RYR3: variants seen among roughly 807,000 people sequenced by gnomAD.
RYR3 encodes the protein ryanodine receptor 3.
A neutral mutation model predicts 584.3 loss-of-function variants in RYR3; 207 were observed. The ratio of observed to expected loss-of-function variants is 0.35; its 90% CI spans 0.32 to 0.40. RYR3 has a LOEUF of 0.40. Ranked by LOEUF, RYR3 falls within the 10% of genes least tolerant of loss-of-function variation. The pLI, the probability that RYR3 is intolerant of heterozygous loss-of-function variation, is 1.00. For synonymous variants in RYR3, 2,416 were observed against 2,248.5 expected, an observed-to-expected ratio of 1.07 and a Z score of -2.11; for missense variants, 5,616 against 6,089.2, an observed-to-expected ratio of 0.92 and a Z score of 2.59.
Position 33,838,589 on chromosome 15 carries a change from G to T in RYR3, c.12609G>T (p.Leu4203=), listed in dbSNP as rs774973425. The T allele has an allele frequency of 3.1e-6, 5 of 1,613,926 alleles. No homozygotes were observed. The highest frequency in any genetic ancestry group is 1.7e-5 in the Admixed American group (1 of 60,020). The change falls in exon 89 of 104, where the codon CTG becomes CTT. Residue 4203 remains leucine, a synonymous_variant. Coordinates refer to ENST00000634891, the MANE Select transcript of RYR3 (RefSeq NM_001036.6). ...TATTCCAGTTGCTCTTCACCATCCT[G>T]GGAGGAATCTTTCAGATCCTCTGGA... ...VGLFQLLFTI[L]GGIFQILWST...
intron 16 of RYR3, among the ~76,000 whole-genome samples, chr15:33,592,701 A>G (rs1193889816): frequency 1.3e-5 from 2 of 152,234 alleles, no homozygotes; most frequent in Admixed American, 1.3e-4. Flanking sequence ...ACCCCCTGTC[A>G]GTCAGAAAGT....
At chr15:33,451,248 T>C (rs2047100305) in intron 1 of RYR3, among the ~76,000 whole-genome samples, 1 of 152,186 alleles carries the variant, frequency 6.6e-6, no homozygotes, top group Non-Finnish European at 1.5e-5. Context: ...CCCCAGTAGA[T>C]AGCAGTGACC....
intron 12 of RYR3, among the ~76,000 whole-genome samples, chr15:33,570,617 A>G (rs968724299): frequency 1.3e-5 from 2 of 152,076 alleles, no homozygotes; most frequent in Non-Finnish European, 2.9e-5. Context: ...TTTTTGTCCA[A>G]AAAAAATTCT....
At chr15:33,742,827 G>C (rs1021913100) in intron 52 of RYR3, among the ~76,000 whole-genome samples, 2 of 152,052 alleles carry the variant, frequency 1.3e-5, no homozygotes, top group African/African-American at 4.8e-5. Context: ...GAAATTGAAA[G>C]CCTAACCCTT....
intron 1 of RYR3, among the ~76,000 whole-genome samples, chr15:33,462,996 C>A (rs900169513): frequency 6.6e-6 from 1 of 151,902 alleles, no homozygotes; most frequent in Non-Finnish European, 1.5e-5. Context: ...CATGGCAAAA[C>A]CCCGTCTCTA....
At chr15:33,708,723 T>C (rs765895351) in intron 43 of RYR3, among the ~76,000 whole-genome samples, 2 of 152,220 alleles carry the variant, frequency 1.3e-5, no homozygotes, top group Admixed American at 6.5e-5. Flanking sequence ...AATTTTCTTT[T>C]TAATTCTCAG....
chr15:33,436,195 C>A (rs1380534335), intron 1 of RYR3, among the ~76,000 whole-genome samples: 8 of 151,988 alleles, frequency 5.3e-5, no homozygotes, highest in Non-Finnish European at 8.8e-5. Flanking sequence ...GTATATGAAC[C>A]CTCCTTGTGC....
At chr15:33,338,215 G>A (rs1971384297) in intron 1 of RYR3, among the ~76,000 whole-genome samples, 2 of 152,220 alleles carry the variant, frequency 1.3e-5, no homozygotes, top group Admixed American at 1.3e-4. Context: ...AAAGTGCTGG[G>A]ATTACAGGCG....
At chr15:33,573,636 A>G (rs1472330853) in intron 12 of RYR3, among the ~76,000 whole-genome samples, 2 of 152,242 alleles carry the variant, frequency 1.3e-5, no homozygotes, top group Admixed American at 6.5e-5. Context: ...ATAAATATTC[A>G]GAATCACCTG....
intron 1 of RYR3, among the ~76,000 whole-genome samples, chr15:33,455,845 A>T (rs763052831): frequency 3.9e-5 from 6 of 152,212 alleles, no homozygotes; most frequent in Non-Finnish European, 8.8e-5. Context: ...CACACTAAAC[A>T]TAATGGAGGC....
At chr15:33,719,585 T>C (rs916361129) in intron 43 of RYR3, among the ~76,000 whole-genome samples, 1 of 152,230 alleles carries the variant, frequency 6.6e-6, no homozygotes, top group Non-Finnish European at 1.5e-5. Context: ...ATTCTTGTAG[T>C]GAGAAATTAC....
chr15:33,548,336 G>C lies in RYR3; in HGVS notation c.815+132G>C, dbSNP rs868382446. The C allele has an allele frequency of 8.5e-6, 5 of 590,154 alleles. No homozygotes were observed. In the South Asian group the frequency reaches 9.0e-5, roughly 11 times the overall value. 36.6% of individuals were successfully genotyped at this position (590,154 alleles called of 1,614,324 possible). A position where few individuals can be genotyped will look rare whatever the true frequency, so the allele number is the denominator to read the frequency against. ...AGTCCTTTGTCTAGAGCTAAGTTCT[G>C]ATATTTCTGTGACTTTGTTTTTAAA... On this transcript the variant is annotated intron_variant, in intron 9 of 103. Coordinates refer to ENST00000634891, the MANE Select transcript of RYR3 (RefSeq NM_001036.6).
chr15:33,551,452 A>G (rs967422987), intron 10 of RYR3, among the ~76,000 whole-genome samples: 1 of 152,194 alleles, frequency 6.6e-6, no homozygotes, highest in Admixed American at 6.5e-5. Flanking sequence ...GAAGATAGTC[A>G]GCACTGTCCC....
chr15:33,556,964 ATAG>A (rs748916488), intron 10 of RYR3, among the ~76,000 whole-genome samples: 2 of 152,192 alleles, frequency 1.3e-5, no homozygotes, highest in Non-Finnish European at 2.9e-5. Flanking sequence ...CCATTTTCTA[ATAG>A]TAGTATATGT....
Position 33,663,528 on chromosome 15 carries a change from T to C in RYR3, c.5419-9T>C, listed in dbSNP as rs372099114. 2.9e-5 allele frequency: 46 copies of C among 1,612,294 alleles called. No individual in the cohort carries two copies. The highest frequency in any genetic ancestry group is 6.6e-5 in the South Asian group (6 of 90,590). Reference sequence around the variant, plus strand: ...ACAAAGTGTTATCTATATAATACTTTCATTGCAGATGTGTGAGCTCCTCAG... The same window carrying C: ...ACAAAGTGTTATCTATATAATACTTCCATTGCAGATGTGTGAGCTCCTCAG... On this transcript the variant is annotated splice_polypyrimidine_tract_variant and intron_variant, in intron 35 of 103. Transcript: ENST00000634891.
chr15:33,414,579 C>G (rs938978052), intron 1 of RYR3, among the ~76,000 whole-genome samples: 4 of 152,138 alleles, frequency 2.6e-5, no homozygotes, highest in African/African-American at 9.7e-5. Flanking sequence ...TGTGTCATGT[C>G]TGAGAGGCAC....
chr15:33,352,034 T>TA (rs1354032499), intron 1 of RYR3, among the ~76,000 whole-genome samples: 3 of 152,168 alleles, frequency 2.0e-5, no homozygotes, highest in Non-Finnish European at 4.4e-5. Flanking sequence ...AAAATCTCCT[T>TA]AAGCTAATAA....
chr15:33,321,033 C>T (rs966140188), intron 1 of RYR3, among the ~76,000 whole-genome samples: 3 of 152,170 alleles, frequency 2.0e-5, no homozygotes, highest in Non-Finnish European at 4.4e-5. Context: ...GGTCAGTTCT[C>T]TGAGCGTCTA....
intron 3 of RYR3, among the ~76,000 whole-genome samples, chr15:33,514,214 TTTGTTC>T (rs1173952269): frequency 6.6e-6 from 1 of 152,166 alleles, no homozygotes; most frequent in Non-Finnish European, 1.5e-5. Flanking sequence ...TCCTTTTGTT[TTTGTTC>T]GAGAGAGAAA....
Sources: allele counts gnomAD v4.1 joint callset (sites outside exome capture counted in the v4.1 genomes callset), GRCh38; gene constraint gnomAD v4.1.1; transcripts MANE v1.5; gene names NCBI Gene and HGNC (gene_info 2026-07-23, HGNC 2026-07-21).